The following QTGAL variants were observed in gnomAD, a reference collection of about 807,000 sequenced individuals.
QTGAL encodes the protein BGnT-like protein 1.
chr17:83,045,955 C>G, the QTGAL span, among the ~76,000 whole-genome samples: 1 of 151,832 alleles, frequency 6.6e-6, no homozygotes, highest in Non-Finnish European at 1.5e-5. Context: ...TCCTGAGTAG[C>G]TGGGATTAAA....
At chr17:82,989,495 TA>T in the QTGAL span, among the ~76,000 whole-genome samples, 43,047 of 122,370 alleles carry the variant, frequency 0.35, 6,838 homozygotes, top group Middle Eastern at 0.42. Context: ...ATTCTGGAAC[TA>T]AAAAAAAAAA....
the QTGAL span, among the ~76,000 whole-genome samples, chr17:83,034,047 TCTC>T: frequency 3.3e-5 from 5 of 151,530 alleles, no homozygotes; most frequent in African/African-American, 4.9e-5. Context: ...TTCAAGCGAT[TCTC>T]CTGCCTCAGT....
chr17:82,971,214 C>T, the QTGAL span, among the ~76,000 whole-genome samples: 5 of 152,186 alleles, frequency 3.3e-5, no homozygotes, highest in East Asian at 1.9e-4. Context: ...ACGTTTCTAT[C>T]GGACAGAATT....
At chr17:83,026,917 C>T in the QTGAL span, among the ~76,000 whole-genome samples, 1 of 119,894 alleles carries the variant, frequency 8.3e-6, no homozygotes, top group Admixed American at 8.8e-5. Flanking sequence ...CAGAGGAGGG[C>T]AGGGAGCCTG....
At chr17:82,955,333 A>G in the QTGAL span, among the ~76,000 whole-genome samples, 1 of 152,224 alleles carries the variant, frequency 6.6e-6, no homozygotes, top group East Asian at 1.9e-4. Flanking sequence ...AAAAGAAGAC[A>G]TGTGGCCAAG....
chr17:83,015,412 G>A, the QTGAL span, among the ~76,000 whole-genome samples: 2 of 152,392 alleles, frequency 1.3e-5, no homozygotes, highest in East Asian at 3.9e-4. The surrounding 1 kb of genome is among the most constrained non-coding windows in gnomAD (Gnocchi z 4.4). Context: ...AACCCAGTGA[G>A]TGAGAATAGC....
At chr17:82,942,418 CCAGCCTGAGCTTGTCTTGTCTCTTCTT>C in the QTGAL span, 2 of 1,613,910 alleles carry the variant, frequency 1.2e-6, no homozygotes, top group South Asian at 1.1e-5. Flanking sequence ...TTGGAGCTGA[CCAGCCTGAGCTTGTCTTGTCTCTTCTT>C]CAGCCTGGTG....
chr17:83,032,030 C>T, the QTGAL span, among the ~76,000 whole-genome samples: 27 of 147,098 alleles, frequency 1.8e-4, no homozygotes, highest in African/African-American at 5.5e-4. Context: ...GCTGAACAAC[C>T]GGGTCAGACC....
the QTGAL span, among the ~76,000 whole-genome samples, chr17:83,020,805 T>C: frequency 6.6e-6 from 1 of 152,174 alleles, no homozygotes; most frequent in Non-Finnish European, 1.5e-5. Context: ...CAGGGATCTG[T>C]GAGGACGGGG....
At chr17:82,947,112 T>G in the QTGAL span, 3 of 715,214 alleles carry the variant, frequency 4.2e-6, no homozygotes, top group Non-Finnish European at 6.9e-6. Flanking sequence ...CCTCTGCTAA[T>G]AGCGGAGAGG....
chr17:82,942,689 A>C, the QTGAL span: 1 of 609,468 alleles, frequency 1.6e-6, no homozygotes, highest in Non-Finnish European at 2.9e-6. Flanking sequence ...CTTCCTATAA[A>C]ATCATGTACC....
the QTGAL span, among the ~76,000 whole-genome samples, chr17:82,976,001 T>C: frequency 7.7e-3 from 214 of 27,788 alleles, 2 homozygotes; most frequent in African/African-American, 9.4e-3. Context: ...TCCCAGGGGC[T>C]GGAGGCCACT....
the QTGAL span, among the ~76,000 whole-genome samples, chr17:83,051,338 C>A: frequency 3.3e-5 from 5 of 149,304 alleles, no homozygotes; most frequent in African/African-American, 1.2e-4. Flanking sequence ...GGGGAAGGAG[C>A]GCGGGGCAGG....
chr17:82,962,924 G>A, the QTGAL span, among the ~76,000 whole-genome samples: 1 of 152,024 alleles, frequency 6.6e-6, no homozygotes, highest in Non-Finnish European at 1.5e-5. Flanking sequence ...TCCCCTGATT[G>A]CTGCTGCTGA....
the QTGAL span, among the ~76,000 whole-genome samples, chr17:82,991,972 G>A: frequency 6.6e-6 from 1 of 152,136 alleles, no homozygotes; most frequent in Non-Finnish European, 1.5e-5. Context: ...AGAAGAATTA[G>A]TGAGCTTGAA....
chr17:83,016,776 G>A, the QTGAL span, among the ~76,000 whole-genome samples: 2 of 151,586 alleles, frequency 1.3e-5, no homozygotes, highest in African/African-American at 4.9e-5. Flanking sequence ...TGGAAGGAGG[G>A]AGGAGGGAGG....
chr17:83,027,391 C>T, the QTGAL span, among the ~76,000 whole-genome samples: 5 of 152,216 alleles, frequency 3.3e-5, no homozygotes, highest in African/African-American at 7.2e-5. Context: ...GGACAAGAGA[C>T]GTCGATAGGA....
the QTGAL span, among the ~76,000 whole-genome samples, chr17:82,984,948 A>G: frequency 6.6e-6 from 1 of 151,440 alleles, no homozygotes; most frequent in South Asian, 2.1e-4. Context: ...CCCTGCTGGG[A>G]CCCCCTCCCT....
the QTGAL span, among the ~76,000 whole-genome samples, chr17:83,023,761 C>T: frequency 3.9e-5 from 6 of 152,180 alleles, no homozygotes; most frequent in Non-Finnish European, 7.4e-5. Context: ...TCCACCCCCA[C>T]GTCTCCCGAC....
Sources: allele counts gnomAD v4.1 joint callset (sites outside exome capture counted in the v4.1 genomes callset), GRCh38; gene constraint gnomAD v4.1.1; non-coding constraint Gnocchi (gnomAD v3.1); transcripts MANE v1.5; gene names NCBI Gene and HGNC (gene_info 2026-07-23, HGNC 2026-07-21).